DLG2: variants seen among roughly 807,000 people sequenced by gnomAD.
DLG2 encodes discs large MAGUK scaffold protein 2.
Under a neutral mutation model 132.5 loss-of-function variants are expected in DLG2, and 45 were observed. The observed-to-expected ratio is 0.34, with a 90% CI of 0.27 to 0.44. The LOEUF (loss-of-function observed/expected upper bound fraction) is 0.44, where lower values mean the gene tolerates loss of function less well. DLG2 is among the 20% of genes least tolerant of loss of function. The probability of loss-of-function intolerance (pLI) is 1.00; values close to 1 mark genes in which losing one functional copy is unlikely to be tolerated. For synonymous variants in DLG2, 424 were observed against 419.6 expected, an observed-to-expected ratio of 1.01 and a Z score of -0.13; for missense variants, 1,045 against 1,196.9, an observed-to-expected ratio of 0.87 and a Z score of 1.87.
chr11:85,612,670 T>C (rs1370413422), intron 2 of DLG2, among the ~76,000 whole-genome samples: 3 of 152,198 alleles, frequency 2.0e-5, no homozygotes, highest in Non-Finnish European at 2.9e-5. Flanking sequence ...TATATTATCC[T>C]AACTTCTAAT....
At chr11:85,215,891 T>C (rs2082557825) in intron 4 of DLG2, among the ~76,000 whole-genome samples, 1 of 152,168 alleles carries the variant, frequency 6.6e-6, no homozygotes. Flanking sequence ...AAAAGGTTTC[T>C]TATCCCTCAT....
chr11:83,918,748 C>T (rs2675718), intron 15 of DLG2, among the ~76,000 whole-genome samples: 126,370 of 152,072 alleles, frequency 0.83, 52,816 homozygotes, highest in African/African-American at 0.92. Flanking sequence ...GGGTCCCACA[C>T]GGCGCCTGTC....
chr11:85,342,241 A>G (rs1443817077), intron 3 of DLG2, among the ~76,000 whole-genome samples: 1 of 152,180 alleles, frequency 6.6e-6, no homozygotes, highest in African/African-American at 2.4e-5. Flanking sequence ...AAATGCAAAC[A>G]CATTGTACAG....
At chr11:85,382,052 T>C (rs1333133812) in intron 3 of DLG2, among the ~76,000 whole-genome samples, 3 of 152,134 alleles carry the variant, frequency 2.0e-5, no homozygotes, top group African/African-American at 4.8e-5. Flanking sequence ...CGGAAATGCA[T>C]GGGACCCAGA....
chr11:84,206,895 A>T (rs1216739502), intron 8 of DLG2, among the ~76,000 whole-genome samples: 1 of 152,050 alleles, frequency 6.6e-6, no homozygotes, highest in African/African-American at 2.4e-5. Context: ...AAAAATTCAT[A>T]TAAAATTAGG....
At chr11:85,034,930 A>G (rs1484799468) in intron 6 of DLG2, among the ~76,000 whole-genome samples, 2 of 152,200 alleles carry the variant, frequency 1.3e-5, no homozygotes, top group African/African-American at 4.8e-5. Context: ...ATTTGAATTA[A>G]GGTAAAATTC....
chr11:85,462,471 A>C (rs922187409), intron 3 of DLG2, among the ~76,000 whole-genome samples: 1 of 152,236 alleles, frequency 6.6e-6, no homozygotes. Context: ...CTATGCAGCC[A>C]TAAAAAATGA....
intron 18 of DLG2, among the ~76,000 whole-genome samples, chr11:83,703,226 C>T (rs752338152): frequency 6.6e-6 from 1 of 152,118 alleles, no homozygotes; most frequent in Non-Finnish European, 1.5e-5. Context: ...CACACAAATT[C>T]TATAATCTGG....
chr11:85,555,783 C>T (rs2076912043), intron 3 of DLG2, among the ~76,000 whole-genome samples: 1 of 151,864 alleles, frequency 6.6e-6, no homozygotes, highest in East Asian at 1.9e-4. Flanking sequence ...TTCACAGGCC[C>T]CTCATTTTTC....
intron 4 of DLG2, among the ~76,000 whole-genome samples, chr11:85,258,719 G>A (rs1463730993): frequency 6.6e-6 from 1 of 152,158 alleles, no homozygotes. Flanking sequence ...ATTCAAAGGT[G>A]TGATTATTAT....
intron 18 of DLG2, among the ~76,000 whole-genome samples, chr11:83,761,987 G>T (rs1435925467): frequency 4.6e-5 from 7 of 152,156 alleles, no homozygotes; most frequent in Admixed American, 3.3e-4. Flanking sequence ...CAAACCGTGA[G>T]AAGAACACTG....
At chr11:85,522,885 A>G (rs1336372662) in intron 3 of DLG2, among the ~76,000 whole-genome samples, 2 of 152,196 alleles carry the variant, frequency 1.3e-5, no homozygotes, top group Admixed American at 6.5e-5. Flanking sequence ...GCCTTATCTC[A>G]GATGAAACTT....
At chr11:85,387,841 T>C (rs1393121836) in intron 3 of DLG2, among the ~76,000 whole-genome samples, 1 of 152,202 alleles carries the variant, frequency 6.6e-6, no homozygotes, top group Non-Finnish European at 1.5e-5. Flanking sequence ...CAGGACTAAC[T>C]GGCAGCTCCT....
At chr11:83,690,836 TA>T (rs2080865041) in intron 18 of DLG2, among the ~76,000 whole-genome samples, 1 of 152,312 alleles carries the variant, frequency 6.6e-6, no homozygotes, top group African/African-American at 2.4e-5. Context: ...AACTTTTATA[TA>T]AAAGTTACAT....
chr11:84,744,954 C>A (rs1375625451), intron 6 of DLG2, among the ~76,000 whole-genome samples: 2 of 150,380 alleles, frequency 1.3e-5, no homozygotes, highest in African/African-American at 4.9e-5. Flanking sequence ...AAAACACACC[C>A]TCCTCATCTT....
intron 8 of DLG2, among the ~76,000 whole-genome samples, chr11:84,214,825 C>T (rs1393143232): frequency 6.6e-6 from 1 of 152,116 alleles, no homozygotes; most frequent in East Asian, 1.9e-4. Flanking sequence ...GTTATCTTTT[C>T]AGGCACTTAG....
chr11:83,789,042 A>T (rs2040783243), intron 17 of DLG2, among the ~76,000 whole-genome samples: 1 of 152,256 alleles, frequency 6.6e-6, no homozygotes, highest in African/African-American at 2.4e-5. Flanking sequence ...AATGAAGGCA[A>T]CAGATGAAAC....
intron 3 of DLG2, among the ~76,000 whole-genome samples, chr11:85,427,384 A>T (rs929440952): frequency 6.6e-6 from 1 of 152,198 alleles, no homozygotes; most frequent in African/African-American, 2.4e-5. Flanking sequence ...GAGAAAGGTC[A>T]GGTTACCCAC....
At chr11:84,844,125 GTGTGTGTGTGTATATATATATATA>G (rs1269762865) in intron 6 of DLG2, among the ~76,000 whole-genome samples, 1 of 34,434 alleles carries the variant, frequency 2.9e-5, no homozygotes, top group African/African-American at 9.8e-5. Context: ...GTGTGTGTGT[GTGTGTGTGTGTATATATATATATA>G]TATATATATA....
Sources: gnomAD v4.1 joint callset for allele counts (sites outside exome capture counted in the v4.1 genomes callset) on GRCh38, gnomAD v4.1.1 for gene constraint, MANE v1.5 for transcripts, NCBI Gene and HGNC (gene_info 2026-07-23, HGNC 2026-07-21) for gene names.